PRPF18: variants seen among roughly 807,000 people sequenced by gnomAD.
The protein encoded by PRPF18 is pre-mRNA processing factor 18, also known as pre-mRNA-splicing factor 18.
PRPF18 carries 38 observed loss-of-function variants against 46.5 expected under a neutral mutation model. The ratio of observed to expected loss-of-function variants is 0.82; its 90% CI spans 0.63 to 1.07. The LOEUF is 1.07. PRPF18 is among the 50% of genes least tolerant of loss of function. PRPF18 has a pLI of 0.00. For synonymous variants in PRPF18, 152 were observed against 146.7 expected (o/e 1.04, Z -0.26); for missense variants, 263 against 410.0 (o/e 0.64, Z 3.10).
At chr10:13,646,051 C>T in the PRPF18 span, 40,887 of 151,870 alleles carry the variant, frequency 0.27, 6,024 homozygotes, top group East Asian at 0.59. Context: ...GTACCCTCTA[C>T]GACTCCCACA....
At chr10:13,623,476 T>C (rs1427820940) in intron 9 of PRPF18, among the ~76,000 whole-genome samples, 33 of 152,230 alleles carry the variant, frequency 2.2e-4, no homozygotes, top group Admixed American at 2.2e-3. Flanking sequence ...CTTGTTTTTT[T>C]ATTCTTCACG....
In PRPF18 at chr10:13,605,624, T is replaced by G. The variant is rs372983824; in HGVS notation, c.250-7T>G. On this transcript the variant is annotated splice_polypyrimidine_tract_variant and splice_region_variant and intron_variant, in intron 3 of 9. Coordinates refer to ENST00000378572, the MANE Select transcript of PRPF18 (RefSeq NM_003675.4). Reference sequence around the variant, plus strand: ...AAAATTTACTGGGTATCTGTTTCACTTTGTAGGTCATCAGAAGATTGAGAG... The same window carrying G: ...AAAATTTACTGGGTATCTGTTTCACGTTGTAGGTCATCAGAAGATTGAGAG... 12 of 1,582,328 alleles carry G rather than the reference T, an allele frequency of 7.6e-6. No individual in the cohort carries two copies. In the African/African-American group the frequency reaches 1.5e-4, roughly 20 times the overall value.
intron 1 of PRPF18, chr10:13,591,764 A>G (rs1485629846): frequency 3.7e-6 from 5 of 1,364,176 alleles, no homozygotes; most frequent in Non-Finnish European, 5.0e-6. Context: ...TGTTTTCTTC[A>G]TAGAGGAACT....
At chr10:13,655,236 TTA>T in the PRPF18 span, 2 of 152,192 alleles carry the variant, frequency 1.3e-5, no homozygotes, top group Non-Finnish European at 2.9e-5. Flanking sequence ...CTTAACAATT[TTA>T]GTCTAAAATA....
At chr10:13,609,695 G>A (rs890155429) in intron 4 of PRPF18, among the ~76,000 whole-genome samples, 1 of 152,122 alleles carries the variant, frequency 6.6e-6, no homozygotes, top group Non-Finnish European at 1.5e-5. Flanking sequence ...AACGGGTTGG[G>A]GACTCTAATG....
At chr10:13,597,787 C>A in intron 2 of PRPF18, 26 of 694,940 alleles carry the variant, frequency 3.7e-5, no homozygotes, top group Non-Finnish European at 4.6e-5. Context: ...GGCTTGAGAT[C>A]AAAGCTTGAA....
At chr10:13,617,376 G>T (rs1210391086) in intron 9 of PRPF18, among the ~76,000 whole-genome samples, 1 of 151,962 alleles carries the variant, frequency 6.6e-6, no homozygotes, top group African/African-American at 2.4e-5. Flanking sequence ...ATGTTAATTC[G>T]TGTCATGCTT....
At chr10:13,647,562 A>C in the PRPF18 span, 1 of 152,184 alleles carries the variant, frequency 6.6e-6, no homozygotes, top group African/African-American at 2.4e-5. Context: ...AAGAACATTC[A>C]AAATGTGAGT....
At chr10:13,610,423 T>C (rs144744224) in intron 5 of PRPF18, among the ~76,000 whole-genome samples, 71 of 152,376 alleles carry the variant, frequency 4.7e-4, no homozygotes, top group Admixed American at 2.2e-3. Context: ...TTTCTGTTTG[T>C]TGGTGCTCTT....
At chr10:13,652,051 A>ATTAGTAGC in the PRPF18 span, 13 of 816,756 alleles carry the variant, frequency 1.6e-5, no homozygotes, top group Non-Finnish European at 2.9e-5. Context: ...CACAGACACG[A>ATTAGTAGC]TTAGTAGCTT....
At chr10:13,654,048 T>C in the PRPF18 span, 2 of 428,264 alleles carry the variant, frequency 4.7e-6, no homozygotes, top group Non-Finnish European at 8.2e-6. Flanking sequence ...TCATCAGCTC[T>C]CTTTCTCCCC....
At chr10:13,631,948 T>C (rs1300084201), downstream of PRPF18, 1 of 152,436 alleles carries the variant, frequency 6.6e-6, no homozygotes, top group Non-Finnish European at 1.5e-5. Context: ...TCGTTTCTGA[T>C]GGTTATATGC....
At chr10:13,591,332 T>C (rs2079958389) in intron 1 of PRPF18, 1 of 334,912 alleles carries the variant, frequency 3.0e-6, no homozygotes, top group African/African-American at 2.1e-5. Flanking sequence ...TTTTATATAT[T>C]GATCTGATAT....
intron 6 of PRPF18, among the ~76,000 whole-genome samples, 183 bp downstream of exon 6, chr10:13,611,866 T>C (rs1044400551): frequency 1.3e-5 from 2 of 151,982 alleles, no homozygotes; most frequent in African/African-American, 4.8e-5. Context: ...AAATGCATAT[T>C]TACTTTTCTT....
the PRPF18 span, among the ~76,000 whole-genome samples, chr10:13,650,218 T>C: frequency 6.6e-6 from 1 of 152,164 alleles, no homozygotes; most frequent in Non-Finnish European, 1.5e-5. Flanking sequence ...TGAATTATTT[T>C]TTTAAACGTA....
chr10:13,625,237 G>C (rs531048726), intron 9 of PRPF18, among the ~76,000 whole-genome samples: 1 of 152,288 alleles, frequency 6.6e-6, no homozygotes, highest in African/African-American at 2.4e-5. Context: ...AGGATTGCTT[G>C]AGCCCAGGAG....
the PRPF18 span, chr10:13,652,108 CAG>C: frequency 8.7e-6 from 6 of 692,816 alleles, no homozygotes; most frequent in African/African-American, 8.7e-5. Context: ...GAGTTAGCAA[CAG>C]ATCATACAAG....
chr10:13,623,918 A>T (rs2080457936), intron 9 of PRPF18, among the ~76,000 whole-genome samples: 1 of 152,238 alleles, frequency 6.6e-6, no homozygotes, highest in Non-Finnish European at 1.5e-5. Flanking sequence ...TAGACTTAAA[A>T]ATTGTGACAT....
At chr10:13,633,791 G>A (rs2080611186), downstream of PRPF18, among the ~76,000 whole-genome samples, 1 of 152,154 alleles carries the variant, frequency 6.6e-6, no homozygotes, top group Non-Finnish European at 1.5e-5. Flanking sequence ...AGCAATCTAT[G>A]GTATGGTGTC....
Sources: allele counts gnomAD v4.1 joint callset (sites outside exome capture counted in the v4.1 genomes callset), GRCh38; gene constraint gnomAD v4.1.1; transcripts MANE v1.5; gene names NCBI Gene and HGNC (gene_info 2026-07-23, HGNC 2026-07-21).